The following CNKSR1 variants were observed in gnomAD, a reference collection of about 807,000 sequenced individuals.
CNKSR1 encodes the protein CNK homolog protein 1.
In CNKSR1, 88 loss-of-function variants were observed where a neutral mutation model predicts 95.6. That is an observed-to-expected ratio of 0.92 (90% CI 0.78 to 1.10). The LOEUF is 1.10. Ranked by LOEUF, CNKSR1 falls within the 50% of genes least tolerant of loss-of-function variation. CNKSR1 has a pLI of 0.00. For synonymous variants in CNKSR1, 355 were observed against 369.7 expected, an observed-to-expected ratio of 0.96 and a Z score of 0.46; for missense variants, 836 against 912.0, an observed-to-expected ratio of 0.92 and a Z score of 1.07.
chr1:26,184,542 TCTGGAC>T (rs1553153986), intron 12 of CNKSR1, 35 bp downstream of exon 12: 23 of 1,607,130 alleles, frequency 1.4e-5, no homozygotes, highest in Non-Finnish European at 1.9e-5. Context: ...GGTGGGTGGG[TCTGGAC>T]CTAGATCCTT....
At chr1:26,183,100 G>C in intron 6 of CNKSR1, 97 bp from the exon 7 acceptor site, 2 of 1,263,996 alleles carry the variant, frequency 1.6e-6, no homozygotes, top group Non-Finnish European at 2.3e-6. Flanking sequence ...TCTTGCCACA[G>C]TTCCACCCAC....
At chr1:26,181,280 C>CAAA (rs11392737) in intron 3 of CNKSR1, among the ~76,000 whole-genome samples, 24 of 49,104 alleles carry the variant, frequency 4.9e-4, no homozygotes, top group African/African-American at 9.2e-4. Flanking sequence ...GACTCCCTCT[C>CAAA]AAAAAAAAAA....
At chr1:26,186,564 T>A (rs2088754817) in intron 14 of CNKSR1, among the ~76,000 whole-genome samples, 1 of 152,186 alleles carries the variant, frequency 6.6e-6, no homozygotes, top group Admixed American at 6.5e-5. Flanking sequence ...AACCTTTTCC[T>A]CCCAGGTTCG....
intron 20 of CNKSR1, 49 bp from the exon 21 acceptor site, chr1:26,189,230 C>A (rs778044929): frequency 6.2e-7 from 1 of 1,607,554 alleles, no homozygotes; most frequent in East Asian, 2.2e-5. Context: ...TCGGGCTCTG[C>A]CCACTTCCCT....
chr1:26,189,073 TGGGCTTAGCAGCTGACAGC>T (rs2088817223), intron 20 of CNKSR1, 120 bp downstream of exon 20: 3 of 1,344,768 alleles, frequency 2.2e-6, no homozygotes, highest in Admixed American at 3.7e-5. Context: ...CTCCGGACCC[TGGGCTTAGCAGCTGACAGC>T]GGGCTCAGCT....
chr1:26,183,166 C>G (rs776991626), intron 6 of CNKSR1, 31 bp from the exon 7 acceptor site: 3 of 1,611,086 alleles, frequency 1.9e-6, no homozygotes, highest in Non-Finnish European at 2.5e-6. Context: ...TGCCCCCCAG[C>G]CCCCGGTGAC....
intron 16 of CNKSR1, 138 bp from the exon 17 acceptor site, chr1:26,188,096 A>G: frequency 1.3e-6 from 1 of 774,844 alleles, no homozygotes; most frequent in Non-Finnish European, 2.2e-6. Flanking sequence ...TTCATCATCT[A>G]TAAAATGGGT....
Position 26,183,780 on chromosome 1 carries a change from G to T in CNKSR1, c.805G>T (p.Gly269Ter), listed in dbSNP as rs565213360. 1 of 1,613,576 alleles carries T rather than the reference G, an allele frequency of 6.2e-7. No homozygotes were observed. Among genetic ancestry groups the T allele is most frequent in the Non-Finnish European group, 8.5e-7 (1 of 1,179,744 alleles). The change falls in exon 9 of 21, where the codon GGA becomes TGA. Residue 269 changes from glycine (G) to a stop codon, truncating the protein, a stop_gained. Transcript: ENST00000361530. LOFTEE classifies it high-confidence loss of function. Reference protein sequence around the residue: ...MVRELLREPAGLSLVLKKIPI... With the variant: ...MVRELLREPA ...GAGGGAACTGCTGCGGGAGCCAGCCGGACTCAGCTTAGTGCTGAAGAAGAT... is the reference window on the plus strand; with the variant it reads ...GAGGGAACTGCTGCGGGAGCCAGCCTGACTCAGCTTAGTGCTGAAGAAGAT...
At chr1:26,182,441 G>C (rs779395714) in intron 5 of CNKSR1, 39 bp downstream of exon 5, 3 of 1,613,706 alleles carry the variant, frequency 1.9e-6, no homozygotes, top group Non-Finnish European at 2.5e-6. Flanking sequence ...GGGTAGGGGC[G>C]ATCGGGCTCA....
At position 26,189,483 on chromosome 1, in the gene CNKSR1, C is replaced by T; in HGVS notation, c.2077C>T (p.Pro693Ser). 1 of 1,613,098 alleles carries T rather than the reference C, an allele frequency of 6.2e-7. No individual in the cohort carries two copies. The highest frequency in any genetic ancestry group is 8.5e-7 in the Non-Finnish European group (1 of 1,179,130). The change falls in exon 21 of 21, where the codon CCT becomes TCT. Residue 693 changes from proline (P) to serine (S), a missense_variant. Transcript: ENST00000361530. ...GTCCCCCCACTCCCTGCCCTCTGAC[C>T]CTGAAGAGCACTCCCATCTCTGCCC... ...EQSPHSLPSDPEEHSHLCPLT... is the reference protein window; with the variant it reads ...EQSPHSLPSDSEEHSHLCPLT...
At chr1:26,177,662 CG>C in intron 1 of CNKSR1, 63 bp downstream of exon 1, 3 of 1,587,822 alleles carry the variant, frequency 1.9e-6, no homozygotes, top group Non-Finnish European at 1.7e-6. Context: ...CACCGGGAAG[CG>C]GGAGGAGAGG....
rs200619424 is a variant in CNKSR1, at chr1:26,183,361, C to G, written c.700C>G (p.Arg234Gly). ...QVDTQVPTDS[R>G]LQIQPGDEVV... Reference sequence around the variant, plus strand: ...CCCACGTCAGGTTCCCACTGACTCCCGACTGCAGATCCAGCCTGGAGACGA... The same window carrying G: ...CCCACGTCAGGTTCCCACTGACTCCGGACTGCAGATCCAGCCTGGAGACGA... The change falls in exon 8 of 21, where the codon CGA (arginine) becomes GGA (glycine). Residue 234 changes from arginine to glycine, a missense_variant. By Grantham distance (125) the Arg-to-Gly change is moderately radical. Transcript: ENST00000361530. The G allele has an allele frequency of 1.2e-6, 2 of 1,614,060 alleles. No homozygotes were observed.
Position 26,180,598 on chromosome 1 carries a change from G to A in CNKSR1, c.198G>A (p.Gln66=). 1 of 1,614,238 alleles carries A rather than the reference G, an allele frequency of 6.2e-7. No homozygotes were observed. The highest frequency in any genetic ancestry group is 1.1e-5 in the South Asian group (1 of 91,084). ...HQELILGGVE[Q]LQALSSRLQT... ...AGCTCATCCTGGGCGGGGTGGAACA[G>A]CTCCAGGCCCTGGTGAGTGAATGCT... The change falls in exon 2 of 21, where the codon CAG becomes CAA. Residue 66 remains glutamine, a synonymous_variant. Transcript: ENST00000361530.
chr1:26,185,753 A>G (rs1315779467), intron 14 of CNKSR1, among the ~76,000 whole-genome samples: 1 of 150,424 alleles, frequency 6.6e-6, no homozygotes, highest in Non-Finnish European at 1.5e-5. Flanking sequence ...CTTGTCTCAA[A>G]CTCCTGGGCT....
intron 15 of CNKSR1, 48 bp downstream of exon 15, chr1:26,187,289 G>C: frequency 6.3e-7 from 1 of 1,593,272 alleles, no homozygotes; most frequent in African/African-American, 1.3e-5. Context: ...CAGAAAGGGA[G>C]AGGAAGGGTG....
intron 14 of CNKSR1, among the ~76,000 whole-genome samples, chr1:26,185,827 G>A (rs2088740948): frequency 6.6e-6 from 1 of 152,092 alleles, no homozygotes; most frequent in Non-Finnish European, 1.5e-5. Flanking sequence ...CACCACATCT[G>A]GCCGAAAAAT....
At chr1:26,184,635 TG>T in intron 13 of CNKSR1, 23 bp downstream of exon 13, 1 of 1,588,362 alleles carries the variant, frequency 6.3e-7, no homozygotes, top group Non-Finnish European at 8.6e-7. Context: ...CTGGACTAGG[TG>T]GGGGTTCCCC....
At position 26,177,597 on chromosome 1, in the gene CNKSR1, G is replaced by C. The variant is rs1298427637; in HGVS notation, c.50G>C (p.Arg17Thr). The change falls in exon 1 of 21, where the codon AGA becomes ACA. Residue 17 changes from arginine (R) to threonine (T), a missense_variant and splice_region_variant. Transcript: ENST00000361530. Reference protein sequence around the residue: ...WTPGKVATWLRGLDDSLQDYP... With the variant: ...WTPGKVATWLTGLDDSLQDYP... Reference sequence around the variant, plus strand: ...CCCGGAAAGGTGGCAACTTGGCTGAGAGGTGGGTGGGGCTGGGGTAGAGTT... The same window carrying C: ...CCCGGAAAGGTGGCAACTTGGCTGACAGGTGGGTGGGGCTGGGGTAGAGTT... 2 of 1,614,130 alleles carry C rather than the reference G, an allele frequency of 1.2e-6. No homozygotes were observed. Among genetic ancestry groups the C allele is most frequent in the East Asian group, 4.5e-5 (2 of 44,876 alleles).
In CNKSR1 at chr1:26,188,765, C is replaced by G. The variant is rs776542830; in HGVS notation, c.1691-7C>G. The G allele has an allele frequency of 1.2e-6, 2 of 1,609,702 alleles. No individual in the cohort carries two copies. Among genetic ancestry groups the G allele is most frequent in the South Asian group, 2.2e-5 (2 of 90,954 alleles). On this transcript the variant is annotated splice_region_variant and splice_polypyrimidine_tract_variant and intron_variant, in intron 19 of 20. Coordinates refer to ENST00000361530, the MANE Select transcript of CNKSR1 (RefSeq NM_006314.3). ...GCACATCCTCATCCTGCTCTTCCCT[C>G]CCACAGACAGCAGTGAAGAGGCACT...
Sources: allele counts gnomAD v4.1 joint callset (sites outside exome capture counted in the v4.1 genomes callset), GRCh38; gene constraint gnomAD v4.1.1; transcripts MANE v1.5; gene names NCBI Gene and HGNC (gene_info 2026-07-23, HGNC 2026-07-21).